Variants in FOXP2 observed in about 807,000 individuals in gnomAD.
FOXP2 encodes the protein forkhead box protein P2.
In FOXP2, 12 loss-of-function variants were observed where a neutral mutation model predicts 115.8. That is an observed-to-expected ratio of 0.10 (90% CI 0.07 to 0.17). FOXP2 has a LOEUF of 0.17. Among genes scored for constraint, FOXP2 ranks in the 10% least tolerant of loss-of-function variants. The probability of loss-of-function intolerance (pLI) is 1.00; values close to 1 mark genes in which losing one functional copy is unlikely to be tolerated. For missense variants in FOXP2, 629 were observed against 843.5 expected (o/e 0.75, Z 3.15); for synonymous variants, 328 against 297.7 (o/e 1.10, Z -1.05).
intron 3 of FOXP2, among the ~76,000 whole-genome samples, chr7:114,598,695 C>G (rs1407846032): frequency 6.6e-6 from 1 of 152,088 alleles, no homozygotes; most frequent in African/African-American, 2.4e-5. Flanking sequence ...CAACCAGTCT[C>G]CAGAACTTTT....
chr7:114,335,081 C>A (rs1797818644), intron 2 of FOXP2, among the ~76,000 whole-genome samples: 1 of 150,810 alleles, frequency 6.6e-6, no homozygotes, highest in African/African-American at 2.4e-5. Flanking sequence ...AGTTATACTG[C>A]CATTCTCTGC....
chr7:114,230,048 A>G (rs1794835585), intron 1 of FOXP2, among the ~76,000 whole-genome samples: 1 of 151,864 alleles, frequency 6.6e-6, no homozygotes, highest in Non-Finnish European at 1.5e-5. Flanking sequence ...AGGAGAGATT[A>G]CAACTGATGG....
At chr7:114,312,026 G>T (rs1350635077) in intron 2 of FOXP2, among the ~76,000 whole-genome samples, 3 of 152,112 alleles carry the variant, frequency 2.0e-5, no homozygotes, top group South Asian at 2.1e-4. Flanking sequence ...GCAGAAGCCA[G>T]ATACGTGAAC....
chr7:114,627,711 A>G (rs1231832357), intron 3 of FOXP2, among the ~76,000 whole-genome samples: 1 of 152,156 alleles, frequency 6.6e-6, no homozygotes, highest in African/African-American at 2.4e-5. Flanking sequence ...CCCTGAAGAA[A>G]AAGGAAGTAG....
chr7:114,681,961 C>A (rs1808106558), intron 16 of FOXP2, among the ~76,000 whole-genome samples: 1 of 152,054 alleles, frequency 6.6e-6, no homozygotes, highest in Non-Finnish European at 1.5e-5. Context: ...GTATTTATAC[C>A]ATACTTTCTT....
intron 14 of FOXP2, among the ~76,000 whole-genome samples, chr7:114,663,141 T>G (rs1806966248): frequency 6.6e-6 from 1 of 152,130 alleles, no homozygotes; most frequent in Non-Finnish European, 1.5e-5. Flanking sequence ...TTTGTATGAA[T>G]GTTGCTGTTC....
intron 2 of FOXP2, among the ~76,000 whole-genome samples, chr7:114,459,654 C>A (rs1370848309): frequency 6.6e-6 from 1 of 152,132 alleles, no homozygotes; most frequent in Non-Finnish European, 1.5e-5. Flanking sequence ...CTCACTCAGC[C>A]GCCCAGGCTG....
chr7:114,497,906 T>C (rs971905774), intron 2 of FOXP2, among the ~76,000 whole-genome samples: 1 of 152,110 alleles, frequency 6.6e-6, no homozygotes, highest in African/African-American at 2.4e-5. Context: ...TCTCCACTTA[T>C]AGATGATGAG....
intron 1 of FOXP2, among the ~76,000 whole-genome samples, chr7:114,116,505 A>G (rs1238115188): frequency 6.6e-6 from 1 of 152,172 alleles, no homozygotes; most frequent in Non-Finnish European, 1.5e-5. Context: ...AATTTTGATA[A>G]CATTTAAGAT....
intron 1 of FOXP2, among the ~76,000 whole-genome samples, chr7:114,419,298 G>C (rs906995856): frequency 1.3e-5 from 2 of 151,870 alleles, no homozygotes; most frequent in Non-Finnish European, 2.9e-5. Context: ...TTTTACATAG[G>C]ACAAGAAATA....
At chr7:114,355,764 G>A (rs942286026) in intron 2 of FOXP2, among the ~76,000 whole-genome samples, 2 of 152,096 alleles carry the variant, frequency 1.3e-5, no homozygotes, top group African/African-American at 4.8e-5. Context: ...GATGAATGGG[G>A]GTGACTGGCA....
chr7:114,332,223 C>T (rs1175557108), intron 2 of FOXP2, among the ~76,000 whole-genome samples: 1 of 151,962 alleles, frequency 6.6e-6, no homozygotes, highest in Non-Finnish European at 1.5e-5. Flanking sequence ...TGGACACGTG[C>T]AGCTTTTATT....
intron 1 of FOXP2, among the ~76,000 whole-genome samples, chr7:114,115,324 A>G (rs1366236130): frequency 6.6e-6 from 1 of 152,180 alleles, no homozygotes; most frequent in Non-Finnish European, 1.5e-5. Context: ...AAGGTTCTCT[A>G]ACACAGCAGG....
At chr7:114,474,507 G>A (rs1796174264) in intron 2 of FOXP2, among the ~76,000 whole-genome samples, 1 of 152,106 alleles carries the variant, frequency 6.6e-6, no homozygotes, top group African/African-American at 2.4e-5. Flanking sequence ...TTGTAAACCA[G>A]TTATAGCTAA....
chr7:114,452,040 G>A (rs969740593), intron 2 of FOXP2, among the ~76,000 whole-genome samples: 2 of 151,852 alleles, frequency 1.3e-5, no homozygotes, highest in Non-Finnish European at 2.9e-5. Context: ...CCATAGATCA[G>A]ACACATATTT....
intron 1 of FOXP2, among the ~76,000 whole-genome samples, chr7:114,094,809 A>G (rs577240168): frequency 6.6e-6 from 1 of 152,220 alleles, no homozygotes; most frequent in Non-Finnish European, 1.5e-5. Flanking sequence ...CCACAGGCAC[A>G]CCATCAAGCC....
At chr7:114,416,803 A>G (rs1793368308) in intron 1 of FOXP2, among the ~76,000 whole-genome samples, 2 of 152,024 alleles carry the variant, frequency 1.3e-5, no homozygotes, top group South Asian at 4.1e-4. Context: ...GTTTTCACGG[A>G]AAGCAGAGTC....
intron 2 of FOXP2, among the ~76,000 whole-genome samples, chr7:114,480,769 A>G: frequency 6.6e-6 from 1 of 150,626 alleles, no homozygotes; most frequent in Non-Finnish European, 1.5e-5. Flanking sequence ...ATATATACGT[A>G]TACATACATA....
At chr7:114,651,629 A>G (rs963720058) in intron 8 of FOXP2, among the ~76,000 whole-genome samples, 2 of 152,234 alleles carry the variant, frequency 1.3e-5, no homozygotes, top group Admixed American at 1.3e-4. Flanking sequence ...CTGGACATGA[A>G]ATGTCAATCT....
Sources: gnomAD v4.1 joint callset for allele counts (sites outside exome capture counted in the v4.1 genomes callset) on GRCh38, gnomAD v4.1.1 for gene constraint, MANE v1.5 for transcripts, NCBI Gene and HGNC (gene_info 2026-07-23, HGNC 2026-07-21) for gene names.